CADM2: variants seen among roughly 807,000 people sequenced by gnomAD.
CADM2 encodes the protein cell adhesion molecule 2, also known as immunoglobulin superfamily member 4D.
CADM2 carries 12 observed loss-of-function variants against 49.8 expected under a neutral mutation model. That is an observed-to-expected ratio of 0.24 (90% CI 0.15 to 0.39). CADM2 has a LOEUF of 0.39. CADM2 is among the 10% of genes least tolerant of loss of function. The probability of loss-of-function intolerance (pLI) is 1.00; values close to 1 mark genes in which losing one functional copy is unlikely to be tolerated. For synonymous variants in CADM2, 214 were observed against 175.4 expected (o/e 1.22, Z -1.74); for missense variants, 378 against 492.3 (o/e 0.77, Z 2.20).
chr3:85,760,987 C>T (rs2069343257), intron 2 of CADM2, among the ~76,000 whole-genome samples: 1 of 152,118 alleles, frequency 6.6e-6, no homozygotes, highest in Non-Finnish European at 1.5e-5. Flanking sequence ...ACGCATGAGT[C>T]CTACTGTTAG....
intron 1 of CADM2, among the ~76,000 whole-genome samples, chr3:85,655,124 A>G (rs2065158386): frequency 6.6e-6 from 1 of 151,742 alleles, no homozygotes; most frequent in South Asian, 2.1e-4. Context: ...CAGGGTTCTA[A>G]TAACACAAAA....
intron 1 of CADM2, among the ~76,000 whole-genome samples, chr3:85,570,531 T>G: frequency 6.6e-6 from 1 of 152,152 alleles, no homozygotes; most frequent in East Asian, 1.9e-4. Flanking sequence ...ATTGTAGCAT[T>G]AAAGAGCTCC....
chr3:85,932,491 T>C (rs1720725527), intron 6 of CADM2, among the ~76,000 whole-genome samples: 1 of 152,082 alleles, frequency 6.6e-6, no homozygotes, highest in African/African-American at 2.4e-5. Flanking sequence ...GAGAAATTCA[T>C]CAAAGAACAG....
At chr3:85,705,488 A>G (rs1305645431) in intron 1 of CADM2, among the ~76,000 whole-genome samples, 1 of 152,198 alleles carries the variant, frequency 6.6e-6, no homozygotes, top group African/African-American at 2.4e-5. Flanking sequence ...TGGGTAAATG[A>G]ACATGACAAT....
chr3:85,061,286 C>T (rs1473870811), intron 1 of CADM2, among the ~76,000 whole-genome samples: 1 of 151,884 alleles, frequency 6.6e-6, no homozygotes, highest in Non-Finnish European at 1.5e-5. Flanking sequence ...TCAAGAGAGA[C>T]CATTTATTAA....
At chr3:85,953,317 A>T (rs1723670194) in intron 7 of CADM2, among the ~76,000 whole-genome samples, 1 of 150,838 alleles carries the variant, frequency 6.6e-6, no homozygotes, top group Admixed American at 6.6e-5. Flanking sequence ...AGTGCTTTTA[A>T]CCTTATCTTT....
At chr3:85,157,868 C>T (rs1483377489) in intron 1 of CADM2, among the ~76,000 whole-genome samples, 19 of 152,232 alleles carry the variant, frequency 1.2e-4, no homozygotes, top group Admixed American at 2.0e-4. Flanking sequence ...AGAGCTTCTG[C>T]GCAGCAAAAC....
chr3:85,351,402 G>A (rs1055210718), intron 1 of CADM2, among the ~76,000 whole-genome samples: 1 of 152,100 alleles, frequency 6.6e-6, no homozygotes, highest in Non-Finnish European at 1.5e-5. Context: ...AAAGAAAAAA[G>A]CTGGTGCTTC....
rs140100202 is a variant in CADM2, at chr3:85,565,240, T to C, written c.62-161282T>C. On this transcript the variant is annotated intron_variant, in intron 1 of 9. Transcript: ENST00000383699. ...GTTAGTCGAGAAGAAAAAAAATACT[T>C]TGAAATATAATTTGAAGCACATTTT... is the stretch of plus-strand genomic sequence containing the variant. Among the ~76,000 whole-genome samples, 785 of 152,194 alleles carry C rather than the reference T, an allele frequency of 5.2e-3. 8 individuals are homozygous for C. Among genetic ancestry groups the C allele is most frequent in the African/African-American group, 0.018 (731 of 41,568 alleles).
At chr3:85,574,629 G>A (rs1433208843) in intron 1 of CADM2, among the ~76,000 whole-genome samples, 1 of 152,100 alleles carries the variant, frequency 6.6e-6, no homozygotes, top group African/African-American at 2.4e-5. Flanking sequence ...TAGAAGTATA[G>A]AAATGTTCAA....
At chr3:85,301,702 A>G (rs1333613630) in intron 1 of CADM2, among the ~76,000 whole-genome samples, 2 of 152,002 alleles carry the variant, frequency 1.3e-5, no homozygotes, top group African/African-American at 4.8e-5. Flanking sequence ...AGTACATGGC[A>G]TCTGCAGATT....
intron 1 of CADM2, among the ~76,000 whole-genome samples, chr3:85,181,023 A>T: frequency 6.6e-6 from 1 of 152,330 alleles, no homozygotes; most frequent in Middle Eastern, 3.4e-3. Flanking sequence ...TGAGAAAGTT[A>T]TAAGTAAAGT....
intron 1 of CADM2, among the ~76,000 whole-genome samples, chr3:85,300,307 A>C (rs2044064336): frequency 6.6e-6 from 1 of 152,114 alleles, no homozygotes; most frequent in Admixed American, 6.6e-5. Flanking sequence ...AGTTTCACAT[A>C]ATACCCTGTT....
At chr3:85,615,360 T>C (rs1382578715) in intron 1 of CADM2, among the ~76,000 whole-genome samples, 1 of 152,066 alleles carries the variant, frequency 6.6e-6, no homozygotes, top group Non-Finnish European at 1.5e-5. Context: ...TTTGTCAACC[T>C]TTGTAATCTG....
At chr3:85,809,762 C>CT (rs2072718027) in intron 3 of CADM2, among the ~76,000 whole-genome samples, 3 of 82,278 alleles carry the variant, frequency 3.6e-5, no homozygotes, top group African/African-American at 1.7e-4. Context: ...CTCCCTCCCT[C>CT]CCTCTCTCTC....
chr3:85,264,847 G>A (rs910762047), intron 1 of CADM2, among the ~76,000 whole-genome samples: 1 of 151,956 alleles, frequency 6.6e-6, no homozygotes, highest in Non-Finnish European at 1.5e-5. Context: ...TAATGGTTAT[G>A]TTTGACAAGA....
At chr3:85,174,673 A>G (rs1271923581) in intron 1 of CADM2, among the ~76,000 whole-genome samples, 1 of 152,086 alleles carries the variant, frequency 6.6e-6, no homozygotes, top group Non-Finnish European at 1.5e-5. Flanking sequence ...ATTAAAATTT[A>G]CTCTTAAAAT....
chr3:85,345,905 A>C (rs1157401516), intron 1 of CADM2, among the ~76,000 whole-genome samples: 1 of 152,214 alleles, frequency 6.6e-6, no homozygotes, highest in Admixed American at 6.5e-5. Context: ...TCTGTAACTT[A>C]ATCTCCAATT....
chr3:85,205,941 T>G (rs528122939), intron 1 of CADM2, among the ~76,000 whole-genome samples: 1 of 152,052 alleles, frequency 6.6e-6, no homozygotes, highest in African/African-American at 2.4e-5. Flanking sequence ...AATAAAAACC[T>G]AAAGCAAAAG....
Sources: allele counts gnomAD v4.1 joint callset (sites outside exome capture counted in the v4.1 genomes callset), GRCh38; gene constraint gnomAD v4.1.1; transcripts MANE v1.5; gene names NCBI Gene and HGNC (gene_info 2026-07-23, HGNC 2026-07-21).